ZNF804A: variants seen among roughly 807,000 people sequenced by gnomAD.
ZNF804A encodes the protein zinc finger protein 804A.
A neutral mutation model predicts 16.5 loss-of-function variants in ZNF804A; 2 were observed. That is an observed-to-expected ratio of 0.12 (90% CI 0.05 to 0.38). The LOEUF (loss-of-function observed/expected upper bound fraction) is 0.38. Among genes scored for constraint, ZNF804A ranks in the 10% least tolerant of loss-of-function variants. The probability of loss-of-function intolerance (pLI) is 0.99; values close to 1 mark genes in which losing one functional copy is unlikely to be tolerated. For synonymous variants in ZNF804A, 534 were observed against 489.6 expected, an observed-to-expected ratio of 1.09 and a Z score of -1.20; for missense variants, 1,473 against 1,390.7, an observed-to-expected ratio of 1.06 and a Z score of -0.94.
rs2105803659 is a variant in ZNF804A at position 184,850,077 on chromosome 2, T to C, written c.112-16292T>C. Among the ~76,000 whole-genome samples the C allele has an allele frequency of 2.0e-5, 3 of 151,830 alleles. No homozygotes were observed. The Middle Eastern group carries it at 0.01, about 516-fold the overall frequency. On this transcript the variant is annotated intron_variant, in intron 1 of 3. Coordinates refer to ENST00000302277, the MANE Select transcript of ZNF804A (RefSeq NM_194250.2). Reference sequence around the variant, plus strand: ...GGTTACCAGCAGCAGGGAAGGGTAGTAGGGAGTGGGGGTAAAAAGTGAGGA... The same window carrying C: ...GGTTACCAGCAGCAGGGAAGGGTAGCAGGGAGTGGGGGTAAAAAGTGAGGA...
In ZNF804A at chr2:184,691,415, CTA is replaced by C. The variant is rs746464615; in HGVS notation, c.111+92358_111+92359del. On this transcript the variant is annotated intron_variant, in intron 1 of 3. Coordinates refer to ENST00000302277, the MANE Select transcript of ZNF804A (RefSeq NM_194250.2). ...GGTATGAGATACAAAATCATATATTCTATATATATATATAGTAAATGTTGATA... is the reference window on the plus strand; with the variant it reads ...GGTATGAGATACAAAATCATATATTCTATATATATATAGTAAATGTTGATA... Among the ~76,000 whole-genome samples, 1,367 of 149,812 alleles carry C rather than the reference CTA, an allele frequency of 9.1e-3. 22 individuals carry two copies. The highest frequency in any genetic ancestry group is 0.032 in the African/African-American group (1,303 of 40,982).
chr2:184,927,444 G>C (rs933407245), intron 2 of ZNF804A, among the ~76,000 whole-genome samples: 1 of 152,242 alleles, frequency 6.6e-6, no homozygotes, highest in Non-Finnish European at 1.5e-5. Context: ...CACTGGGTCA[G>C]ACCTGAAGCC....
intron 1 of ZNF804A, among the ~76,000 whole-genome samples, chr2:184,725,625 T>C (rs1225265765): frequency 6.6e-6 from 1 of 151,564 alleles, no homozygotes; most frequent in Non-Finnish European, 1.5e-5. Context: ...ATAACTGTAG[T>C]ATAATATGAA....
At chr2:184,624,981 T>A (rs1691473831) in intron 1 of ZNF804A, among the ~76,000 whole-genome samples, 1 of 152,160 alleles carries the variant, frequency 6.6e-6, no homozygotes. Context: ...CCGTTTGTGA[T>A]GGGAATGTTC....
chr2:184,903,236 A>G (rs991677365), intron 2 of ZNF804A, among the ~76,000 whole-genome samples: 1 of 152,204 alleles, frequency 6.6e-6, no homozygotes, highest in African/African-American at 2.4e-5. Context: ...ATCTCCACAT[A>G]TAGAATAAAG....
At chr2:184,632,706 T>G (rs986600584) in intron 1 of ZNF804A, among the ~76,000 whole-genome samples, 7 of 152,216 alleles carry the variant, frequency 4.6e-5, no homozygotes, top group Non-Finnish European at 1.0e-4. Flanking sequence ...CAGGCTCATA[T>G]TCAAATGAAA....
At chr2:184,722,267 T>C (rs1444371745) in intron 1 of ZNF804A, among the ~76,000 whole-genome samples, 1 of 152,130 alleles carries the variant, frequency 6.6e-6, no homozygotes, top group Non-Finnish European at 1.5e-5. Flanking sequence ...TAATTAATAC[T>C]TAGAACAATG....
At chr2:184,623,747 A>T (rs1377105154) in intron 1 of ZNF804A, among the ~76,000 whole-genome samples, 3 of 152,150 alleles carry the variant, frequency 2.0e-5, no homozygotes, top group Non-Finnish European at 4.4e-5. Flanking sequence ...AGCCACATTA[A>T]CAAACACACA....
intron 2 of ZNF804A, among the ~76,000 whole-genome samples, chr2:184,875,633 C>T (rs16826259): frequency 2.6e-5 from 4 of 151,976 alleles, no homozygotes; most frequent in South Asian, 4.1e-4. Context: ...TGTACAGAGA[C>T]GGTGTCCATC....
intron 1 of ZNF804A, among the ~76,000 whole-genome samples, chr2:184,635,318 A>C (rs374304253): frequency 6.6e-6 from 1 of 152,138 alleles, no homozygotes; most frequent in Non-Finnish European, 1.5e-5. Context: ...CAGATGCTCC[A>C]CTTCAAGAAT....
chr2:184,848,439 C>G (rs72905751), intron 1 of ZNF804A, among the ~76,000 whole-genome samples: 7,663 of 151,944 alleles, frequency 0.05, 255 homozygotes, highest in Middle Eastern at 0.078. Flanking sequence ...TAAATTTTCT[C>G]TTTATATTAA....
chr2:184,939,167 C>T lies in ZNF804A; in HGVS notation c.*141C>T. On this transcript the variant is annotated 3_prime_UTR_variant, in exon 4 of 4. Transcript: ENST00000302277. ...GGCGTCATTGGTTTGAAATCATTTA[C>T]TGTAAGTGCAATGATGCAAATAAAT... 2 of 1,020,748 alleles carry T rather than the reference C, an allele frequency of 2.0e-6. No individual in the cohort carries two copies. Among genetic ancestry groups the T allele is most frequent in the Non-Finnish European group, 1.4e-6 (1 of 700,892 alleles). The allele number at this position is 1,020,748 out of a possible 1,614,324, so 63.2% of individuals were successfully genotyped here.
chr2:184,757,162 A>G (rs1693971461), intron 1 of ZNF804A, among the ~76,000 whole-genome samples: 1 of 151,988 alleles, frequency 6.6e-6, no homozygotes, highest in Admixed American at 6.6e-5. Context: ...CCACATCTTT[A>G]ATATTGTAAA....
At chr2:184,815,246 TA>T (rs892439681) in intron 1 of ZNF804A, among the ~76,000 whole-genome samples, 8 of 150,826 alleles carry the variant, frequency 5.3e-5, no homozygotes, top group African/African-American at 1.5e-4. Context: ...TAGATGCTGT[TA>T]AAAAAAAACA....
chr2:184,664,626 C>G (rs371963770), intron 1 of ZNF804A, among the ~76,000 whole-genome samples: 11 of 151,928 alleles, frequency 7.2e-5, no homozygotes, highest in Non-Finnish European at 1.6e-4. Context: ...GCTACAACAT[C>G]GATTTCTCAG....
intron 1 of ZNF804A, among the ~76,000 whole-genome samples, chr2:184,798,006 A>ATGTGTG (rs58199746): frequency 0.031 from 4,179 of 133,292 alleles, 92 homozygotes; most frequent in African/African-American, 0.056. Flanking sequence ...TGGCTGATAT[A>ATGTGTG]TGTGTGTGTG....
intron 2 of ZNF804A, among the ~76,000 whole-genome samples, chr2:184,931,441 C>A (rs749160559): frequency 2.0e-5 from 3 of 152,240 alleles, no homozygotes. Context: ...ACAGGCTCAA[C>A]ACCATGTGTA....
chr2:184,806,734 T>C (rs80237451), intron 1 of ZNF804A, among the ~76,000 whole-genome samples: 5,557 of 151,872 alleles, frequency 0.037, 329 homozygotes, highest in African/African-American at 0.12. Flanking sequence ...GGCTAAAGGA[T>C]TACTTTTATT....
At chr2:184,796,384 T>A (rs1001295859) in intron 1 of ZNF804A, among the ~76,000 whole-genome samples, 1 of 152,156 alleles carries the variant, frequency 6.6e-6, no homozygotes, top group African/African-American at 2.4e-5. Context: ...AATTTTTCAA[T>A]TACCATTTCA....
Sources: gnomAD v4.1 joint callset for allele counts (sites outside exome capture counted in the v4.1 genomes callset) on GRCh38, gnomAD v4.1.1 for gene constraint, MANE v1.5 for transcripts, NCBI Gene and HGNC (gene_info 2026-07-23, HGNC 2026-07-21) for gene names.